The following ZNF799 variants were observed in gnomAD, a reference collection of about 807,000 sequenced individuals.
ZNF799 encodes zinc finger protein 14.
A neutral mutation model predicts 41.0 loss-of-function variants in ZNF799; 28 were observed. That is an observed-to-expected ratio of 0.68 (90% CI 0.51 to 0.94). The LOEUF (loss-of-function observed/expected upper bound fraction) is 0.94, where lower values mean the gene tolerates loss of function less well. ZNF799 is among the 40% of genes least tolerant of loss of function. ZNF799 has a pLI of 0.00. For synonymous variants in ZNF799, 213 were observed against 252.9 expected (o/e 0.84, Z 1.50); for missense variants, 716 against 764.3 (o/e 0.94, Z 0.74).
the ZNF799 span, among the ~76,000 whole-genome samples, chr19:12,411,616 T>A: frequency 1.5e-5 from 2 of 131,480 alleles, no homozygotes; most frequent in Non-Finnish European, 3.2e-5. Flanking sequence ...TTTTTCGTTT[T>A]TGTTTTTTTT....
upstream of ZNF799, among the ~76,000 whole-genome samples, chr19:12,406,095 G>A (rs144897970): frequency 0.019 from 2,833 of 149,816 alleles, 29 homozygotes; most frequent in Middle Eastern, 0.035. Context: ...GCTTGAACCC[G>A]GGAAGCGGAG....
the ZNF799 span, among the ~76,000 whole-genome samples, chr19:12,407,087 A>C: frequency 6.6e-6 from 1 of 152,300 alleles, no homozygotes; most frequent in Admixed American, 6.5e-5. Flanking sequence ...AAAAAGGAAC[A>C]AGGATGAGAG....
upstream of ZNF799, among the ~76,000 whole-genome samples, chr19:12,406,193 A>G (rs1374758047): frequency 6.7e-6 from 1 of 150,088 alleles, no homozygotes; most frequent in African/African-American, 2.5e-5. Context: ...AAAGAAAAAA[A>G]AAAAGGCCCG....
chr19:12,390,079 T>A lies in ZNF799; in HGVS notation c.*387A>T. On this transcript the variant is annotated 3_prime_UTR_variant, in exon 4 of 4. Transcript: ENST00000430385. ...CTATACTATGTTGATAGGCTGACAATTACTGCATCTATACTGAAAATACAT... is the reference window on the plus strand; with the variant it reads ...CTATACTATGTTGATAGGCTGACAAATACTGCATCTATACTGAAAATACAT... 1 of 272,650 alleles carries A rather than the reference T, an allele frequency of 3.7e-6. No homozygotes were observed. Among genetic ancestry groups the A allele is most frequent in the Non-Finnish European group, 6.9e-6 (1 of 144,568 alleles). 16.9% of individuals were successfully genotyped at this position (272,650 alleles called of 1,614,324 possible).
the ZNF799 span, among the ~76,000 whole-genome samples, chr19:12,406,470 T>A: frequency 2.1e-5 from 3 of 140,094 alleles, no homozygotes; most frequent in South Asian, 6.7e-4. Context: ...GGCAACAGAG[T>A]GAGACTCCGT....
chr19:12,401,261 G>T lies in ZNF799; in HGVS notation c.-191C>A, dbSNP rs1474466807. ...AACCACACACTCCTCTGGGAAGCGCGCCTGATTGACAGTTCCCACGAACCC... is the reference window on the plus strand; with the variant it reads ...AACCACACACTCCTCTGGGAAGCGCTCCTGATTGACAGTTCCCACGAACCC... On this transcript the variant is annotated 5_prime_UTR_variant, in exon 1 of 4. Transcript: ENST00000430385. 2.2e-6 allele frequency: 3 copies of T among 1,389,088 alleles called. No individual in the cohort carries two copies. Among genetic ancestry groups the T allele is most frequent in the Non-Finnish European group, 2.9e-6 (3 of 1,051,670 alleles). 86.0% of individuals were successfully genotyped at this position (1,389,088 alleles called of 1,614,324 possible). A position where few individuals can be genotyped will look rare whatever the true frequency, so the allele number is the denominator to read the frequency against.
chr19:12,395,890 T>A (rs975029201), intron 1 of ZNF799, among the ~76,000 whole-genome samples: 1 of 152,256 alleles, frequency 6.6e-6, no homozygotes, highest in African/African-American at 2.4e-5. Context: ...TTTATCTTTT[T>A]TACTAGCTTC....
intron 1 of ZNF799, chr19:12,400,783 G>C: frequency 1.7e-6 from 1 of 578,418 alleles, no homozygotes; most frequent in Non-Finnish European, 3.0e-6. Flanking sequence ...GCGAACCTGT[G>C]TTGCTTACAG....
intron 1 of ZNF799, among the ~76,000 whole-genome samples, chr19:12,397,114 G>T (rs913458732): frequency 6.6e-6 from 1 of 152,300 alleles, no homozygotes; most frequent in African/African-American, 2.4e-5. Context: ...ATGGATGACG[G>T]TGATGTTAAA....
At chr19:12,404,423 CTCTT>C (rs142832496), upstream of ZNF799, among the ~76,000 whole-genome samples, 1,295 of 152,010 alleles carry the variant, frequency 8.5e-3, 14 homozygotes, top group African/African-American at 0.03. Context: ...TGGTCTCTCT[CTCTT>C]TTATTTTTAT....
rs1384009509 is a variant in ZNF799 at position 12,391,621 on chromosome 19, A to G, written c.777T>C (p.Ser259=). Residue 259 remains serine, a synonymous_variant, in exon 4 of 4, where the codon TCT becomes TCC. Coordinates refer to ENST00000430385, the MANE Select transcript of ZNF799 (RefSeq NM_001080821.3). ...AAGAACTGTAATCAGGGAAGGCTTT[A>G]GAACACTGTTTACATTCATACAGTT... ...GEKLYECKQC[S]KAFPDYSSCL... 1.2e-6 allele frequency: 2 copies of G among 1,612,400 alleles called. No individual in the cohort carries two copies. The highest frequency in any genetic ancestry group is 4.5e-5 in the East Asian group (2 of 44,842).
the ZNF799 span, among the ~76,000 whole-genome samples, chr19:12,413,997 C>T: frequency 5.8e-3 from 889 of 152,294 alleles, 8 homozygotes; most frequent in African/African-American, 0.02. Context: ...GTCTTCTCTA[C>T]GGCTCCTGCG....
At chr19:12,410,374 T>C in the ZNF799 span, among the ~76,000 whole-genome samples, 2 of 150,352 alleles carry the variant, frequency 1.3e-5, no homozygotes, top group Non-Finnish European at 3.0e-5. Flanking sequence ...GCTCAAGTGA[T>C]CCTACCACCT....
chr19:12,402,190 C>CA (rs1969999460), upstream of ZNF799, among the ~76,000 whole-genome samples: 2 of 152,250 alleles, frequency 1.3e-5, no homozygotes, highest in South Asian at 4.1e-4. Context: ...GCAATCCTCC[C>CA]ACCTCAGCCT....
chr19:12,392,987 CTTT>C (rs1284717717), intron 2 of ZNF799, among the ~76,000 whole-genome samples: 2 of 151,912 alleles, frequency 1.3e-5, no homozygotes, highest in African/African-American at 4.8e-5. Flanking sequence ...TTATGATTAT[CTTT>C]TTAACACTTT....
At chr19:12,394,841 A>T (rs1969872065) in intron 1 of ZNF799, 1 of 985,300 alleles carries the variant, frequency 1.0e-6, no homozygotes, top group Non-Finnish European at 1.2e-6. Flanking sequence ...TCACCAAGAA[A>T]GTGCAGCATT....
Position 12,390,365 on chromosome 19 carries a change from T to G in ZNF799, c.*101A>C. On this transcript the variant is annotated 3_prime_UTR_variant, in exon 4 of 4. Coordinates refer to ENST00000430385, the MANE Select transcript of ZNF799 (RefSeq NM_001080821.3). ...AATTACTTAAGGTTTTACCAAGTGC[T>G]TACATTCACAGGGTCTATCTCCAAT... 1.3e-6 allele frequency: 2 copies of G among 1,587,056 alleles called. No homozygotes were observed. The highest frequency in any genetic ancestry group is 2.3e-5 in the South Asian group (2 of 86,940).
At position 12,391,384 on chromosome 19, in the gene ZNF799, C is replaced by T. The variant is rs1238894401; in HGVS notation, c.1014G>A (p.Lys338=). 2 of 1,613,988 alleles carry T rather than the reference C, an allele frequency of 1.2e-6. No individual in the cohort carries two copies. The highest frequency in any genetic ancestry group is 1.7e-6 in the Non-Finnish European group (2 of 1,179,964). Reference sequence around the variant, plus strand: ...CAAAGCCTTTTCCACATATCTTACACTTATGAGGTCCATCTCTCGTGTGCA... The same window carrying T: ...CAAAGCCTTTTCCACATATCTTACATTTATGAGGTCCATCTCTCGTGTGCA... ...MVMHTRDGPH[K]CKICGKGFDC... The change falls in exon 4 of 4, where the codon AAG becomes AAA. Residue 338 remains lysine, a synonymous_variant. Coordinates refer to ENST00000430385, the MANE Select transcript of ZNF799 (RefSeq NM_001080821.3).
In ZNF799 at chr19:12,390,705, A is replaced by G. The variant is rs1221401394; in HGVS notation, c.1693T>C (p.Cys565Arg). 1.2e-6 allele frequency: 2 copies of G among 1,613,844 alleles called. No individual in the cohort carries two copies. The highest frequency in any genetic ancestry group is 3.3e-5 in the Admixed American group (2 of 59,992). The change falls in exon 4 of 4, where the codon TGT (cysteine) becomes CGT (arginine). Residue 565 changes from cysteine (C) to arginine (R), a missense_variant. Physicochemically the swap from Cys to Arg is radical, Grantham distance 180. Coordinates refer to ENST00000430385, the MANE Select transcript of ZNF799 (RefSeq NM_001080821.3). ...CGGGAATGAGTGAAGGCTTTACCAC[A>G]TTGTTGACACTCATAGGGTTTCTCT... ...MREKPYECQQ[C>R]GKAFTHSRFL...
Sources: allele counts gnomAD v4.1 joint callset (sites outside exome capture counted in the v4.1 genomes callset), GRCh38; gene constraint gnomAD v4.1.1; transcripts MANE v1.5; gene names NCBI Gene and HGNC (gene_info 2026-07-23, HGNC 2026-07-21).